OR5BS1: variants seen among roughly 807,000 people sequenced by gnomAD.
OR5BS1 encodes the protein olfactory receptor 5BS1.
the OR5BS1 span, chr12:48,560,244 C>T: frequency 5.0e-6 from 2 of 401,176 alleles, no homozygotes; most frequent in South Asian, 1.3e-4. Flanking sequence ...TGGCCTATGA[C>T]CGGTTTCAGG....
chr12:48,560,006 A>G, the OR5BS1 span: 2 of 402,890 alleles, frequency 5.0e-6, no homozygotes, highest in East Asian at 7.1e-5. Context: ...CTACTGGGGA[A>G]CCTGCTGATG....
At chr12:48,561,416 A>T in the OR5BS1 span, among the ~76,000 whole-genome samples, 1 of 152,216 alleles carries the variant, frequency 6.6e-6, no homozygotes, top group African/African-American at 2.4e-5. Context: ...AGTATCCATC[A>T]CACTACAAGA....
chr12:48,560,345 C>G, the OR5BS1 span: 3 of 401,386 alleles, frequency 7.5e-6, no homozygotes, highest in South Asian at 3.8e-4. Flanking sequence ...GGAATGGGGA[C>G]TGGCCTAATT....
chr12:48,560,288 T>C, the OR5BS1 span: 1 of 401,330 alleles, frequency 2.5e-6, no homozygotes, highest in Non-Finnish European at 4.4e-6. Flanking sequence ...GTGGTGATTA[T>C]AAACAGGAGG....
the OR5BS1 span, among the ~76,000 whole-genome samples, chr12:48,561,741 T>G: frequency 1.3e-5 from 2 of 152,148 alleles, no homozygotes; most frequent in Non-Finnish European, 2.9e-5. Context: ...AATAGCCCAG[T>G]ACCTGTAGTC....
the OR5BS1 span, chr12:48,560,469 C>G: frequency 2.5e-6 from 1 of 401,764 alleles, no homozygotes. Context: ...GCGCTAGCAT[C>G]GTCTCCATTC....
At chr12:48,562,476 A>T in the OR5BS1 span, among the ~76,000 whole-genome samples, 2 of 152,084 alleles carry the variant, frequency 1.3e-5, no homozygotes, top group East Asian at 3.9e-4. Context: ...TATTCATTCT[A>T]TTTTTTTGTT....
chr12:48,560,031 T>C, the OR5BS1 span: 31 of 403,010 alleles, frequency 7.7e-5, 2 homozygotes, highest in African/African-American at 4.7e-4. Context: ...TGGTGATCAG[T>C]ACTGATTCCC....
At chr12:48,562,171 G>T in the OR5BS1 span, among the ~76,000 whole-genome samples, 13 of 151,970 alleles carry the variant, frequency 8.6e-5, no homozygotes, top group Non-Finnish European at 1.9e-4. Context: ...ACCAGTTTTG[G>T]CTTCTTTTCC....
chr12:48,561,100 C>CAA, the OR5BS1 span, among the ~76,000 whole-genome samples: 224 of 109,674 alleles, frequency 2.0e-3, 1 homozygote, highest in African/African-American at 7.2e-3. Context: ...GAGACTAGGT[C>CAA]AAAAAAAAAA....
chr12:48,560,458 T>TGC, the OR5BS1 span: 1 of 401,578 alleles, frequency 2.5e-6, no homozygotes, highest in Non-Finnish European at 4.4e-6. Flanking sequence ...TTCTGACCCC[T>TGC]GCGCTAGCAT....
the OR5BS1 span, chr12:48,560,459 G>A: frequency 5.0e-6 from 2 of 401,636 alleles, no homozygotes; most frequent in East Asian, 7.1e-5. Context: ...TCTGACCCCT[G>A]CGCTAGCATC....
the OR5BS1 span, chr12:48,560,351 T>C: frequency 1.5e-5 from 6 of 401,352 alleles, no homozygotes; most frequent in South Asian, 2.5e-4. Context: ...GGGACTGGCC[T>C]AATTAACACC....
the OR5BS1 span, among the ~76,000 whole-genome samples, chr12:48,561,346 T>A: frequency 6.6e-6 from 1 of 152,224 alleles, no homozygotes; most frequent in South Asian, 2.1e-4. Flanking sequence ...TTACATATGT[T>A]GTAGCAATTT....
At chr12:48,561,507 G>C in the OR5BS1 span, among the ~76,000 whole-genome samples, 1 of 152,126 alleles carries the variant, frequency 6.6e-6, no homozygotes, top group Non-Finnish European at 1.5e-5. Flanking sequence ...CCCAGAACAA[G>C]CTAGTAATGG....
At chr12:48,562,339 A>G in the OR5BS1 span, among the ~76,000 whole-genome samples, 8 of 152,256 alleles carry the variant, frequency 5.3e-5, no homozygotes, top group Non-Finnish European at 1.0e-4. Context: ...AACAGTCATC[A>G]CAAGGTGAGA....
At chr12:48,561,873 A>T in the OR5BS1 span, among the ~76,000 whole-genome samples, 1 of 152,216 alleles carries the variant, frequency 6.6e-6, no homozygotes, top group Non-Finnish European at 1.5e-5. Context: ...CTCATCTGCC[A>T]TGAGGGATGT....
chr12:48,560,872 G>A, the OR5BS1 span, among the ~76,000 whole-genome samples: 1 of 152,168 alleles, frequency 6.6e-6, no homozygotes, highest in African/African-American at 2.4e-5. Flanking sequence ...GGAGGCTGAG[G>A]TGGGTGGATC....
the OR5BS1 span, among the ~76,000 whole-genome samples, chr12:48,562,248 C>T: frequency 2.1e-4 from 32 of 152,136 alleles, no homozygotes; most frequent in Admixed American, 1.1e-3. Flanking sequence ...AAATAACAGG[C>T]AAGGATTCTG....
Sources: allele counts gnomAD v4.1 joint callset (sites outside exome capture counted in the v4.1 genomes callset), GRCh38; gene constraint gnomAD v4.1.1; transcripts MANE v1.5; gene names NCBI Gene and HGNC (gene_info 2026-07-23, HGNC 2026-07-21).